Variants in CFAP299 observed in about 807,000 individuals in gnomAD.
CFAP299 encodes cilia- and flagella-associated protein 299.
CFAP299 carries 21 observed loss-of-function variants against 27.0 expected under a neutral mutation model. The observed-to-expected ratio is 0.78, with a 90% CI of 0.55 to 1.12. CFAP299 has a LOEUF of 1.12. CFAP299 is among the 50% of genes most tolerant of loss of function. The pLI, the probability that CFAP299 is intolerant of heterozygous loss-of-function variation, is 0.00. For missense variants in CFAP299, 310 were observed against 276.6 expected (o/e 1.12, Z -0.86); for synonymous variants, 104 against 98.1 (o/e 1.06, Z -0.36).
chr4:80,841,209 G>A (rs150891135), intron 3 of CFAP299, among the ~76,000 whole-genome samples: 61 of 152,206 alleles, frequency 4.0e-4, no homozygotes, highest in African/African-American at 1.4e-3. Context: ...TAAGGAATCA[G>A]GGCATCATCG....
intron 2 of CFAP299, 94 bp from the exon 3 acceptor site, chr4:80,582,999 A>T: frequency 1.5e-6 from 1 of 664,368 alleles, no homozygotes; most frequent in Non-Finnish European, 2.5e-6. Context: ...GTTGCAAGGA[A>T]ATTGTCACTT....
intron 2 of CFAP299, among the ~76,000 whole-genome samples, chr4:80,447,796 A>T (rs1464863249): frequency 6.6e-6 from 1 of 152,078 alleles, no homozygotes; most frequent in African/African-American, 2.4e-5. Flanking sequence ...TTAAATTTTG[A>T]CATAATCCTC....
intron 2 of CFAP299, among the ~76,000 whole-genome samples, chr4:80,567,681 GC>G (rs1735370332): frequency 6.6e-6 from 1 of 151,394 alleles, no homozygotes; most frequent in East Asian, 1.9e-4. Flanking sequence ...TTCACTGGTT[GC>G]CATTTTCCTT....
At chr4:80,537,916 T>A (rs1280567133) in intron 2 of CFAP299, among the ~76,000 whole-genome samples, 2 of 152,250 alleles carry the variant, frequency 1.3e-5, no homozygotes, top group Non-Finnish European at 1.5e-5. Flanking sequence ...CAAAACATCA[T>A]GTTCTATGCT....
At chr4:80,352,048 T>C (rs560509857) in intron 1 of CFAP299, among the ~76,000 whole-genome samples, 2 of 152,072 alleles carry the variant, frequency 1.3e-5, no homozygotes, top group East Asian at 1.9e-4. Flanking sequence ...ACCTCAGAAC[T>C]AGAAGTATTT....
At chr4:80,916,268 TATATATATA>T in intron 4 of CFAP299, among the ~76,000 whole-genome samples, 1 of 93,978 alleles carries the variant, frequency 1.1e-5, no homozygotes, top group East Asian at 3.6e-4. Context: ...TATATATATA[TATATATATA>T]TATATATATA....
intron 1 of CFAP299, among the ~76,000 whole-genome samples, chr4:80,354,275 A>G (rs1293578955): frequency 1.3e-5 from 2 of 152,180 alleles, no homozygotes; most frequent in Admixed American, 6.5e-5. Flanking sequence ...ATTATGTACA[A>G]TATCTGTCCT....
intron 3 of CFAP299, among the ~76,000 whole-genome samples, chr4:80,648,436 T>C (rs1740132032): frequency 6.6e-6 from 1 of 152,176 alleles, no homozygotes; most frequent in Non-Finnish European, 1.5e-5. Flanking sequence ...TCTCCTTAAC[T>C]GTTCTTTAAC....
chr4:80,494,088 C>T (rs1263469896), intron 2 of CFAP299, among the ~76,000 whole-genome samples: 1 of 152,154 alleles, frequency 6.6e-6, no homozygotes, highest in Non-Finnish European at 1.5e-5. Context: ...ATCTCATATT[C>T]TTGAAGTTAG....
At chr4:80,390,741 ATG>A (rs755070670) in intron 2 of CFAP299, among the ~76,000 whole-genome samples, 16 of 138,406 alleles carry the variant, frequency 1.2e-4, no homozygotes, top group Non-Finnish European at 2.4e-4. Flanking sequence ...ATATGTATAT[ATG>A]TATATATACA....
intron 2 of CFAP299, among the ~76,000 whole-genome samples, chr4:80,500,029 CA>C (rs915219575): frequency 2.0e-5 from 3 of 151,366 alleles, no homozygotes; most frequent in Non-Finnish European, 4.4e-5. Flanking sequence ...GAAATAAGTT[CA>C]AATTTTATTT....
intron 2 of CFAP299, among the ~76,000 whole-genome samples, chr4:80,363,852 G>A (rs1380138056): frequency 1.3e-5 from 2 of 152,032 alleles, no homozygotes; most frequent in Admixed American, 1.3e-4. Flanking sequence ...ACTTTGGGAG[G>A]CAGAGGCGGG....
chr4:80,325,289 T>G, the CFAP299 span, among the ~76,000 whole-genome samples: 1 of 152,254 alleles, frequency 6.6e-6, no homozygotes, highest in African/African-American at 2.4e-5. Flanking sequence ...TAGCTGGAAT[T>G]ATCTACTCTT....
At chr4:80,737,573 T>A (rs1723980708) in intron 3 of CFAP299, among the ~76,000 whole-genome samples, 1 of 152,080 alleles carries the variant, frequency 6.6e-6, no homozygotes. Flanking sequence ...TTATTGGCAT[T>A]TAGTTGCTCA....
At chr4:80,931,318 C>T (rs1736605399) in intron 4 of CFAP299, among the ~76,000 whole-genome samples, 1 of 152,076 alleles carries the variant, frequency 6.6e-6, no homozygotes, top group Admixed American at 6.5e-5. Flanking sequence ...GCCAGAAAAC[C>T]TCCAAAGATC....
At chr4:80,865,073 C>T (rs939294059) in intron 3 of CFAP299, among the ~76,000 whole-genome samples, 5 of 152,114 alleles carry the variant, frequency 3.3e-5, no homozygotes, top group Non-Finnish European at 7.4e-5. Context: ...CCCTCTCTAG[C>T]TACATATCCT....
chr4:80,496,955 C>T (rs946252810), intron 2 of CFAP299, among the ~76,000 whole-genome samples: 1 of 152,116 alleles, frequency 6.6e-6, no homozygotes, highest in Admixed American at 6.6e-5. Context: ...ATGAAACTTA[C>T]TATCACAAAA....
intron 3 of CFAP299, among the ~76,000 whole-genome samples, chr4:80,792,757 T>C (rs891795326): frequency 3.3e-5 from 5 of 152,142 alleles, no homozygotes; most frequent in Admixed American, 2.6e-4. Flanking sequence ...GTAGGCAAAT[T>C]TAAATTTTGC....
At chr4:80,868,903 CTCTGTGTGTG>C (rs1322154583) in intron 3 of CFAP299, among the ~76,000 whole-genome samples, 1 of 131,892 alleles carries the variant, frequency 7.6e-6, no homozygotes, top group African/African-American at 3.3e-5. Context: ...GGGCTTCTCT[CTCTGTGTGTG>C]TGTGTGTGTG....
Sources: allele counts gnomAD v4.1 joint callset (sites outside exome capture counted in the v4.1 genomes callset), GRCh38; gene constraint gnomAD v4.1.1; transcripts MANE v1.5; gene names NCBI Gene and HGNC (gene_info 2026-07-23, HGNC 2026-07-21).